The following ADAMTSL1 variants were observed in gnomAD, a reference collection of about 807,000 sequenced individuals.
ADAMTSL1 encodes the protein ADAMTS-like protein 1.
ADAMTSL1 carries 126 observed loss-of-function variants against 201.8 expected under a neutral mutation model. The ratio of observed to expected loss-of-function variants is 0.62; its 90% CI spans 0.54 to 0.72. The LOEUF (loss-of-function observed/expected upper bound fraction) is 0.72, where lower values mean the gene tolerates loss of function less well. Among genes scored for constraint, ADAMTSL1 ranks in the 30% least tolerant of loss-of-function variants. ADAMTSL1 has a pLI of 0.00. For synonymous variants in ADAMTSL1, 1,121 were observed against 903.4 expected, an observed-to-expected ratio of 1.24 and a Z score of -4.32; for missense variants, 2,679 against 2,277.8, an observed-to-expected ratio of 1.18 and a Z score of -3.59.
At chr9:18,299,232 C>G (rs1042196570) in intron 2 of ADAMTSL1, among the ~76,000 whole-genome samples, 4 of 152,046 alleles carry the variant, frequency 2.6e-5, no homozygotes, top group African/African-American at 9.7e-5. Flanking sequence ...CTTCTAGCAC[C>G]TGGCTTCTGA....
At position 18,908,577 on chromosome 9, in the gene ADAMTSL1, T is replaced by A. The variant is rs1383647592; in HGVS notation, c.*29T>A. The A allele has an allele frequency of 2.0e-6, 3 of 1,531,318 alleles. No homozygotes were observed. The highest frequency in any genetic ancestry group is 8.9e-7 in the Non-Finnish European group (1 of 1,129,898). The allele number at this position is 1,531,318 out of a possible 1,614,324, so 94.9% of individuals were successfully genotyped here. A position where few individuals can be genotyped will look rare whatever the true frequency, so the allele number is the denominator to read the frequency against. On this transcript the variant is annotated 3_prime_UTR_variant, in exon 29 of 29. Transcript: ENST00000380548. ...TAGGGTGTGGGGAAAAACTCTACCC[T>A]GGCCACACGAAGGACTCACGCAACC...
At chr9:18,680,743 T>G (rs1468406773) in intron 11 of ADAMTSL1, 2 of 534,974 alleles carry the variant, frequency 3.7e-6, no homozygotes, top group African/African-American at 1.9e-5. Context: ...GCCTCTATTG[T>G]TCCCCAGATA....
At chr9:18,597,895 C>G (rs1262603806) in intron 4 of ADAMTSL1, among the ~76,000 whole-genome samples, 1 of 152,136 alleles carries the variant, frequency 6.6e-6, no homozygotes, top group African/African-American at 2.4e-5. Context: ...GGCTGCTTTC[C>G]AGAGTCAGGA....
chr9:18,262,016 T>G (rs1831943029), intron 2 of ADAMTSL1, among the ~76,000 whole-genome samples: 5 of 152,214 alleles, frequency 3.3e-5, no homozygotes, highest in Admixed American at 3.3e-4. Flanking sequence ...AATTACAATA[T>G]GTATGGTAAC....
Position 18,185,799 on chromosome 9 carries a change from G to T in ADAMTSL1, c.207+21818G>T, listed in dbSNP as rs80173497. Among the ~76,000 whole-genome samples, 37 of 152,190 alleles carry T rather than the reference G, an allele frequency of 2.4e-4. No homozygotes were observed. In the East Asian group the frequency reaches 6.0e-3, roughly 25 times the overall value. Reference sequence around the variant, plus strand: ...TTATGACTCCAAGTTTACAAGCATTGGTTATGTCATGTAAAATACATGCTG... The same window carrying T: ...TTATGACTCCAAGTTTACAAGCATTTGTTATGTCATGTAAAATACATGCTG... On this transcript the variant is annotated intron_variant, in intron 2 of 29. Coordinates refer to the ADAMTSL1 transcript ENST00000680146.
At chr9:18,458,563 G>A (rs10756964) in intron 2 of ADAMTSL1, among the ~76,000 whole-genome samples, 3 of 151,706 alleles carry the variant, frequency 2.0e-5, no homozygotes, top group Admixed American at 6.6e-5. Flanking sequence ...TGTCAAATTC[G>A]CAGAGTCAAT....
chr9:18,184,735 AT>A (rs1228370563), intron 2 of ADAMTSL1, among the ~76,000 whole-genome samples: 3 of 152,216 alleles, frequency 2.0e-5, no homozygotes, highest in African/African-American at 7.2e-5. Flanking sequence ...GAAGAAAAAA[AT>A]ATGAGGCAGC....
chr9:18,350,307 A>G (rs1835910118), intron 2 of ADAMTSL1, among the ~76,000 whole-genome samples: 1 of 152,116 alleles, frequency 6.6e-6, no homozygotes, highest in African/African-American at 2.4e-5. Flanking sequence ...GTCTGAATGT[A>G]GAAGGAACTG....
chr9:18,028,643 A>T (rs1165935257), intron 1 of ADAMTSL1, among the ~76,000 whole-genome samples: 1 of 152,144 alleles, frequency 6.6e-6, no homozygotes, highest in African/African-American at 2.4e-5. Flanking sequence ...TACCAGTACC[A>T]TCCTATTTTG....
intron 1 of ADAMTSL1, among the ~76,000 whole-genome samples, chr9:17,978,881 G>T (rs1223912068): frequency 6.6e-6 from 1 of 151,734 alleles, no homozygotes; most frequent in Non-Finnish European, 1.5e-5. Context: ...AACTCCTTCA[G>T]TTCTTGTTTG....
At chr9:18,809,669 A>C (rs1823381976) in intron 20 of ADAMTSL1, among the ~76,000 whole-genome samples, 1 of 152,108 alleles carries the variant, frequency 6.6e-6, no homozygotes, top group African/African-American at 2.4e-5. Flanking sequence ...CATGCCTGTA[A>C]TCTCAGCTAC....
At chr9:18,012,604 T>C (rs1164561382) in intron 1 of ADAMTSL1, among the ~76,000 whole-genome samples, 4 of 151,988 alleles carry the variant, frequency 2.6e-5, no homozygotes, top group African/African-American at 9.7e-5. Flanking sequence ...CACAGATTTG[T>C]GTGAGAATGC....
intron 2 of ADAMTSL1, among the ~76,000 whole-genome samples, chr9:18,519,059 C>G (rs1040712739): frequency 2.0e-5 from 3 of 152,156 alleles, no homozygotes; most frequent in African/African-American, 4.8e-5. Context: ...CCATACTCAC[C>G]TGTGAAAATC....
chr9:18,513,489 T>G (rs1818163842), intron 2 of ADAMTSL1, among the ~76,000 whole-genome samples: 1 of 152,224 alleles, frequency 6.6e-6, no homozygotes. Flanking sequence ...TGCAGACTGT[T>G]TACTTTGATA....
intron 23 of ADAMTSL1, among the ~76,000 whole-genome samples, chr9:18,882,278 C>T (rs1828580195): frequency 6.6e-6 from 1 of 152,120 alleles, no homozygotes; most frequent in East Asian, 1.9e-4. Flanking sequence ...TCTCATCAGC[C>T]TCACCAGGGC....
At position 18,810,100 on chromosome 9, in the gene ADAMTSL1, G is replaced by A. The variant is rs570628809; in HGVS notation, c.3806-7009G>A. On this transcript the variant is annotated intron_variant, in intron 20 of 28. Transcript: ENST00000380548. ...TAGGGAGGTGAGGTCATGTATACCA[G>A]TGCTAATTCAGTATCATTCCAACTG... Among the ~76,000 whole-genome samples, 4 of 152,284 alleles carry A rather than the reference G, an allele frequency of 2.6e-5. No homozygotes were observed. In the South Asian group the frequency reaches 8.3e-4, roughly 32 times the overall value.
chr9:18,424,226 C>A (rs1819093926), intron 2 of ADAMTSL1, among the ~76,000 whole-genome samples: 4 of 152,182 alleles, frequency 2.6e-5, no homozygotes, highest in Admixed American at 2.6e-4. Flanking sequence ...TCTCTGATGA[C>A]CCTCTCAGCC....
At chr9:18,735,092 A>T (rs562024) in intron 15 of ADAMTSL1, among the ~76,000 whole-genome samples, 1 of 152,134 alleles carries the variant, frequency 6.6e-6, no homozygotes. Flanking sequence ...TATAGCTTTC[A>T]TGTGTTCTCC....
chr9:18,721,745 A>C, intron 15 of ADAMTSL1, 80 bp downstream of exon 15: 1 of 1,521,012 alleles, frequency 6.6e-7, no homozygotes, highest in Non-Finnish European at 8.8e-7. Context: ...AGACTGTAAC[A>C]CTTATTTGTT....
Sources: allele counts gnomAD v4.1 joint callset (sites outside exome capture counted in the v4.1 genomes callset), GRCh38; gene constraint gnomAD v4.1.1; transcripts MANE v1.5; gene names NCBI Gene and HGNC (gene_info 2026-07-23, HGNC 2026-07-21).